The following SLC24A2 variants were observed in gnomAD, a reference collection of about 807,000 sequenced individuals.
SLC24A2 encodes sodium/potassium/calcium exchanger 2.
Under a neutral mutation model 62.0 loss-of-function variants are expected in SLC24A2, and 36 were observed. That is an observed-to-expected ratio of 0.58 (90% CI 0.44 to 0.77). The LOEUF is 0.77. Among genes scored for constraint, SLC24A2 ranks in the 30% least tolerant of loss-of-function variants. The pLI, the probability that SLC24A2 is intolerant of heterozygous loss-of-function variation, is 0.00. For synonymous variants in SLC24A2, 358 were observed against 294.0 expected, an observed-to-expected ratio of 1.22 and a Z score of -2.23; for missense variants, 846 against 817.9, an observed-to-expected ratio of 1.03 and a Z score of -0.42.
chr9:20,092,461 T>A, the SLC24A2 span, among the ~76,000 whole-genome samples: 33 of 152,214 alleles, frequency 2.2e-4, no homozygotes, highest in Non-Finnish European at 5.9e-5. Context: ...TTATTTTTTT[T>A]AAGCTCATCA....
At chr9:19,543,006 G>C (rs1834353367) in intron 8 of SLC24A2, among the ~76,000 whole-genome samples, 1 of 152,208 alleles carries the variant, frequency 6.6e-6, no homozygotes. Context: ...GTTTCAGAAG[G>C]AATGGTACCA....
the SLC24A2 span, among the ~76,000 whole-genome samples, chr9:20,261,847 C>T: frequency 0.068 from 9,962 of 145,876 alleles, 657 homozygotes; most frequent in African/African-American, 0.18. Flanking sequence ...TCACGCCATT[C>T]TCCTGCCTCA....
rs1330700543 is a variant in SLC24A2 at position 19,597,286 on chromosome 9, C to CA, written c.1079-8dup. ...TTTCCATATGATCCAAGTTCTACAA[C>CA]ATCACAGTAAAAGACACAAAGATAA... On this transcript the variant is annotated splice_region_variant and splice_polypyrimidine_tract_variant and intron_variant, in intron 4 of 10. Coordinates refer to ENST00000341998, the MANE Select transcript of SLC24A2 (RefSeq NM_020344.4). The CA allele has an allele frequency of 3.9e-6, 6 of 1,549,064 alleles. No individual in the cohort carries two copies. Among genetic ancestry groups the CA allele is most frequent in the Non-Finnish European group, 5.4e-6 (6 of 1,121,020 alleles).
chr9:20,027,245 T>C, the SLC24A2 span, among the ~76,000 whole-genome samples: 6 of 152,058 alleles, frequency 3.9e-5, no homozygotes, highest in Non-Finnish European at 7.4e-5. Flanking sequence ...AGTAGGGAAG[T>C]TTCCCCAATA....
At chr9:19,914,550 G>T in the SLC24A2 span, among the ~76,000 whole-genome samples, 3 of 151,778 alleles carry the variant, frequency 2.0e-5, no homozygotes, top group Non-Finnish European at 4.4e-5. Flanking sequence ...TCTTGGCCTG[G>T]CAAAGTCATC....
At chr9:19,852,226 G>A in the SLC24A2 span, among the ~76,000 whole-genome samples, 1 of 152,232 alleles carries the variant, frequency 6.6e-6, no homozygotes, top group South Asian at 2.1e-4. Flanking sequence ...CTGGATATCA[G>A]ACCTCTGTCA....
intron 10 of SLC24A2, 26 bp from the exon 11 acceptor site, chr9:19,516,428 G>A (rs1251643382): frequency 6.2e-7 from 1 of 1,611,962 alleles, no homozygotes; most frequent in African/African-American, 1.3e-5. Context: ...GCAGGGCAGA[G>A]GGGAGTGGGA....
At chr9:19,571,109 C>T (rs770519892) in intron 7 of SLC24A2, among the ~76,000 whole-genome samples, 7 of 152,172 alleles carry the variant, frequency 4.6e-5, no homozygotes, top group Non-Finnish European at 1.0e-4. Flanking sequence ...CTGCCCTCTG[C>T]ACACCTATGA....
chr9:20,090,114 G>C, the SLC24A2 span, among the ~76,000 whole-genome samples: 1 of 152,120 alleles, frequency 6.6e-6, no homozygotes, highest in African/African-American at 2.4e-5. Flanking sequence ...AGGAGAGGAA[G>C]CCACTCTGTC....
the SLC24A2 span, among the ~76,000 whole-genome samples, chr9:20,070,528 G>A: frequency 3.9e-5 from 6 of 152,340 alleles, no homozygotes; most frequent in South Asian, 1.2e-3. Flanking sequence ...GCATATTCAG[G>A]TTAGAAAGGC....
the SLC24A2 span, among the ~76,000 whole-genome samples, chr9:19,811,240 G>A: frequency 6.6e-6 from 1 of 152,282 alleles, no homozygotes; most frequent in East Asian, 1.9e-4. Context: ...ACCCTCAACA[G>A]AGCCCAAACA....
the SLC24A2 span, among the ~76,000 whole-genome samples, chr9:19,944,423 C>G: frequency 7.5e-6 from 1 of 133,260 alleles, no homozygotes; most frequent in Non-Finnish European, 1.6e-5. Flanking sequence ...CCCCCTGAAT[C>G]TAGAATAAAA....
the SLC24A2 span, among the ~76,000 whole-genome samples, chr9:19,842,220 C>T: frequency 1.3e-5 from 2 of 152,210 alleles, no homozygotes; most frequent in African/African-American, 4.8e-5. Flanking sequence ...CCCTATCCAT[C>T]ATCATGGATT....
At chr9:19,978,039 A>T in the SLC24A2 span, among the ~76,000 whole-genome samples, 2 of 152,118 alleles carry the variant, frequency 1.3e-5, no homozygotes, top group African/African-American at 4.8e-5. Flanking sequence ...GGTAACTTAC[A>T]TTTCCTGCCG....
the SLC24A2 span, among the ~76,000 whole-genome samples, chr9:20,012,896 GA>G: frequency 0.013 from 1,844 of 145,750 alleles, 44 homozygotes; most frequent in African/African-American, 0.044. Context: ...GACAGAACTT[GA>G]AAAAAAAAAC....
At position 19,525,391 on chromosome 9, in the gene SLC24A2, CTTTTTTTTTT is replaced by C. The variant is rs572919824; in HGVS notation, c.1569+2648_1569+2657del. Among the ~76,000 whole-genome samples the C allele has an allele frequency of 1.5e-3, 114 of 76,378 alleles. 1 individual carries two copies. Among genetic ancestry groups the C allele is most frequent in the African/African-American group, 5.3e-3 (94 of 17,614 alleles). The allele number at this position is 76,378 out of a possible 152,430, so 50.1% of individuals were successfully genotyped here. A position where few individuals can be genotyped will look rare whatever the true frequency, so the allele number is the denominator to read the frequency against. ...AAGGTTTTTTTTTCCTATTTCTTTA[CTTTTTTTTTT>C]TTTTTTTTTTTTTTTTTTAAAAGAC... On this transcript the variant is annotated intron_variant, in intron 9 of 10. Coordinates refer to ENST00000341998, the MANE Select transcript of SLC24A2 (RefSeq NM_020344.4).
At chr9:19,784,185 T>C (rs1424334791) in intron 2 of SLC24A2, among the ~76,000 whole-genome samples, 5 of 152,194 alleles carry the variant, frequency 3.3e-5, no homozygotes, top group East Asian at 1.9e-4. Flanking sequence ...TGGTTTATAA[T>C]TGACTAAATA....
chr9:19,968,668 C>G, the SLC24A2 span, among the ~76,000 whole-genome samples: 1 of 152,154 alleles, frequency 6.6e-6, no homozygotes, highest in Non-Finnish European at 1.5e-5. Flanking sequence ...GGACTTCACC[C>G]AAGGTCACAC....
chr9:19,619,510 A>G, intron 4 of SLC24A2, 74 bp downstream of exon 4: 2 of 1,164,206 alleles, frequency 1.7e-6, no homozygotes, highest in East Asian at 2.3e-5. Context: ...CAGCACAAAC[A>G]CGTTTTATGC....
Sources: gnomAD v4.1 joint callset for allele counts (sites outside exome capture counted in the v4.1 genomes callset) on GRCh38, gnomAD v4.1.1 for gene constraint, MANE v1.5 for transcripts, NCBI Gene and HGNC (gene_info 2026-07-23, HGNC 2026-07-21) for gene names.